Variants in CYP2C19 observed in about 807,000 individuals in gnomAD.
CYP2C19 encodes cytochrome P450 2C19.
A neutral mutation model predicts 40.9 loss-of-function variants in CYP2C19; 59 were observed. The observed-to-expected ratio is 1.44, with a 90% CI of 1.17 to 1.79. The LOEUF is 1.79. CYP2C19 is among the 40% of genes most tolerant of loss of function. The pLI is 0.00. For synonymous variants in CYP2C19, 253 were observed against 208.7 expected (o/e 1.21, Z -1.83); for missense variants, 754 against 596.9 (o/e 1.26, Z -2.74).
chr10:94,796,603 G>C (rs1163321309), intron 5 of CYP2C19, among the ~76,000 whole-genome samples: 1 of 152,004 alleles, frequency 6.6e-6, no homozygotes, highest in African/African-American at 2.4e-5. Flanking sequence ...CCATTTTCAC[G>C]ATATTGATTC....
chr10:94,799,311 A>G (rs1848732357), intron 5 of CYP2C19, among the ~76,000 whole-genome samples: 1 of 152,094 alleles, frequency 6.6e-6, no homozygotes, highest in Non-Finnish European at 1.5e-5. Context: ...TCTTTTCTTT[A>G]AGAATGTCAA....
At chr10:94,817,834 A>G (rs1849034186) in intron 5 of CYP2C19, among the ~76,000 whole-genome samples, 1 of 151,848 alleles carries the variant, frequency 6.6e-6, no homozygotes, top group Non-Finnish European at 1.5e-5. Context: ...TAAAACGGTG[A>G]AACCCCGTCT....
At chr10:94,846,622 A>G (rs1191584028) in intron 7 of CYP2C19, among the ~76,000 whole-genome samples, 1 of 151,940 alleles carries the variant, frequency 6.6e-6, no homozygotes, top group African/African-American at 2.4e-5. Context: ...ACAAAAGATG[A>G]TTTTTTTCTA....
chr10:94,771,616 A>G lies in CYP2C19; in HGVS notation c.169-3442A>G, dbSNP rs183563479. ...GTCAAATTGGTCCCAATGGCTTAGG[A>G]TGCATTTCAAGGGTGAGCCTGTTGA... On this transcript the variant is annotated intron_variant, in intron 1 of 8. Coordinates refer to ENST00000371321, the MANE Select transcript of CYP2C19 (RefSeq NM_000769.4). Among the ~76,000 whole-genome samples the G allele has an allele frequency of 3.3e-3, 496 of 152,152 alleles. 1 individual carries two copies. The highest frequency in any genetic ancestry group is 5.5e-3 in the Non-Finnish European group (374 of 68,004).
chr10:94,774,547 C>T (rs1848379590), intron 1 of CYP2C19: 1 of 165,180 alleles, frequency 6.1e-6, no homozygotes, highest in African/African-American at 2.4e-5. Context: ...AGGTGGATTC[C>T]ATAGAGAGGT....
At chr10:94,774,322 T>G (rs1263767060) in intron 1 of CYP2C19, 1 of 152,148 alleles carries the variant, frequency 6.6e-6, no homozygotes, top group Non-Finnish European at 1.5e-5. Flanking sequence ...GAATAAGTAA[T>G]GAGTGATTTT....
At chr10:94,828,380 G>A (rs557986724) in intron 6 of CYP2C19, among the ~76,000 whole-genome samples, 8 of 151,168 alleles carry the variant, frequency 5.3e-5, no homozygotes, top group Non-Finnish European at 1.0e-4. Context: ...AGCATAGTTA[G>A]CTCTTCTTGT....
chr10:94,820,606 CCTT>C lies in CYP2C19; in HGVS notation c.933_935del (p.Leu314del), dbSNP rs1564675909. The C allele has an allele frequency of 1.9e-6, 3 of 1,614,172 alleles. No homozygotes were observed. Among genetic ancestry groups the C allele is most frequent in the Non-Finnish European group, 2.5e-6 (3 of 1,180,030 alleles). On this transcript the variant is annotated inframe_deletion, in exon 6 of 9. Coordinates refer to ENST00000371321, the MANE Select transcript of CYP2C19 (RefSeq NM_000769.4). ...CAAGCACAACCCTGAGATATGCTCT[CCTT>C]CTCCTGCTGAAGCACCCAGAGGTCA... is the stretch of plus-strand genomic sequence containing the variant.
intron 6 of CYP2C19, among the ~76,000 whole-genome samples, chr10:94,829,871 A>C (rs1354073446): frequency 6.6e-6 from 1 of 151,912 alleles, no homozygotes; most frequent in Non-Finnish European, 1.5e-5. Context: ...TTTCCTTCTA[A>C]CAGACAGGAC....
chr10:94,765,676 G>A (rs569448581), intron 1 of CYP2C19, among the ~76,000 whole-genome samples: 1 of 152,192 alleles, frequency 6.6e-6, no homozygotes, highest in African/African-American at 2.4e-5. Flanking sequence ...AGGGGTGAAT[G>A]GTCATGCAGG....
intron 6 of CYP2C19, among the ~76,000 whole-genome samples, chr10:94,823,942 T>G (rs1849169928): frequency 6.6e-6 from 1 of 152,150 alleles, no homozygotes; most frequent in Non-Finnish European, 1.5e-5. Flanking sequence ...AGAATGAACC[T>G]GGTGGATAAT....
chr10:94,838,788 A>G (rs1317010560), intron 6 of CYP2C19, among the ~76,000 whole-genome samples: 1 of 152,082 alleles, frequency 6.6e-6, no homozygotes, highest in East Asian at 1.9e-4. Context: ...AAAGTTGTAC[A>G]TATGGCACTT....
At chr10:94,776,692 T>G (rs559878590) in intron 3 of CYP2C19, among the ~76,000 whole-genome samples, 3 of 152,150 alleles carry the variant, frequency 2.0e-5, no homozygotes, top group Non-Finnish European at 4.4e-5. Flanking sequence ...ATAGCCAATA[T>G]CATATTTAAT....
intron 7 of CYP2C19, among the ~76,000 whole-genome samples, chr10:94,845,705 A>G (rs1189153300): frequency 6.6e-6 from 1 of 152,166 alleles, no homozygotes; most frequent in Non-Finnish European, 1.5e-5. Flanking sequence ...TTATTCAAGT[A>G]ACATTTGTTG....
At position 94,853,378 on chromosome 10, in the gene CYP2C19, A is replaced by G. The variant is rs1247648538; in HGVS notation, c.*464A>G. Among the ~76,000 whole-genome samples, 2 of 152,180 alleles carry G rather than the reference A, an allele frequency of 1.3e-5. No individual in the cohort carries two copies. Among genetic ancestry groups the G allele is most frequent in the African/African-American group, 2.4e-5 (1 of 41,446 alleles). On this transcript the variant is annotated 3_prime_UTR_variant, in exon 9 of 9. Coordinates refer to ENST00000371321, the MANE Select transcript of CYP2C19 (RefSeq NM_000769.4). The stretch of plus-strand genomic sequence containing the variant: ...GATAAGGACAGAAAGGACAAAGGTG[A>G]AGATGGTAGGGAAGCTATTTTGGCT...
chr10:94,806,755 TTTA>T (rs1353279379), intron 5 of CYP2C19, among the ~76,000 whole-genome samples: 7 of 149,698 alleles, frequency 4.7e-5, no homozygotes, highest in Non-Finnish European at 1.0e-4. Flanking sequence ...AAATTTATAA[TTTA>T]TTATTTTAGT....
At chr10:94,794,820 TC>T (rs1332283375) in intron 5 of CYP2C19, among the ~76,000 whole-genome samples, 1 of 152,056 alleles carries the variant, frequency 6.6e-6, no homozygotes, top group Non-Finnish European at 1.5e-5. Flanking sequence ...CGATGGTTTT[TC>T]TAAATACACA....
chr10:94,793,021 A>G (rs1471324470), intron 5 of CYP2C19, among the ~76,000 whole-genome samples: 1 of 152,118 alleles, frequency 6.6e-6, no homozygotes, highest in Non-Finnish European at 1.5e-5. Flanking sequence ...CTTTTCACAT[A>G]GTCAAATATT....
At chr10:94,816,021 G>A (rs571151372) in intron 5 of CYP2C19, among the ~76,000 whole-genome samples, 12 of 152,138 alleles carry the variant, frequency 7.9e-5, no homozygotes, top group African/African-American at 2.4e-4. Flanking sequence ...ATGTCTTTAT[G>A]TCTTCTCATT....
Sources: allele counts gnomAD v4.1 joint callset (sites outside exome capture counted in the v4.1 genomes callset), GRCh38; gene constraint gnomAD v4.1.1; transcripts MANE v1.5; gene names NCBI Gene and HGNC (gene_info 2026-07-23, HGNC 2026-07-21).